SLC35F4: variants seen among roughly 807,000 people sequenced by gnomAD.
SLC35F4 encodes the protein solute carrier family 35 member F4, also known as chromosome 14 open reading frame 36.
In SLC35F4, 24 loss-of-function variants were observed where a neutral mutation model predicts 44.2. That is an observed-to-expected ratio of 0.54 (90% CI 0.39 to 0.76). The LOEUF is 0.76. SLC35F4 is among the 30% of genes least tolerant of loss of function. The probability of loss-of-function intolerance (pLI) is 0.00; values close to 1 mark genes in which losing one functional copy is unlikely to be tolerated. For missense variants in SLC35F4, 562 were observed against 586.1 expected, an observed-to-expected ratio of 0.96 and a Z score of 0.42; for synonymous variants, 238 against 223.6, an observed-to-expected ratio of 1.06 and a Z score of -0.57.
In SLC35F4 at chr14:57,950,444, T is replaced by A. The variant is rs79186815; in HGVS notation, n.282+31469A>T. ...TTAAGTCCATATCCTGTATTTTTTT[T>A]AATTTCTTGAAGTTAGTTTCTACCT... On this transcript the variant is annotated intron_variant and non_coding_transcript_variant, in intron 1 of 1. Coordinates refer to the SLC35F4 transcript ENST00000556568. Among the ~76,000 whole-genome samples the A allele has an allele frequency of 5.1e-3, 783 of 152,160 alleles. 9 individuals are homozygous for A. Among genetic ancestry groups the A allele is most frequent in the African/African-American group, 0.018 (743 of 41,528 alleles).
intron 1 of SLC35F4, among the ~76,000 whole-genome samples, chr14:57,729,433 G>A (rs1314595934): frequency 1.3e-5 from 2 of 152,294 alleles, no homozygotes; most frequent in African/African-American, 4.8e-5. Flanking sequence ...CAGGAACCAA[G>A]GGCTCTTTAG....
chr14:57,589,465 C>A lies in SLC35F4; in HGVS notation c.338G>T (p.Arg113Ile), dbSNP rs767179058. The change falls in exon 3 of 8, where the codon AGA becomes ATA. Residue 113 changes from arginine to isoleucine, a missense_variant. Arg to Ile is a moderately conservative substitution (Grantham distance 97). Transcript: ENST00000556826. Reference sequence around the variant, plus strand: ...GCAGGACAGGCAGCGAGCCTTGATTCTGTTTTCTTGGCTGCTGTTCTCAGA... The same window carrying A: ...GCAGGACAGGCAGCGAGCCTTGATTATGTTTTCTTGGCTGCTGTTCTCAGA... The part of the protein sequence containing the change: ...THSENSSQEN[R>I]IKARCLSCTS... 2 of 1,613,702 alleles carry A rather than the reference C, an allele frequency of 1.2e-6. No homozygotes were observed. Among genetic ancestry groups the A allele is most frequent in the Non-Finnish European group, 1.7e-6 (2 of 1,179,816 alleles).
At chr14:57,761,379 A>G (rs530827559) in intron 1 of SLC35F4, among the ~76,000 whole-genome samples, 1 of 152,276 alleles carries the variant, frequency 6.6e-6, no homozygotes, top group Non-Finnish European at 1.5e-5. Context: ...AAATCCTACA[A>G]CTAGGTGAAA....
intron 1 of SLC35F4, among the ~76,000 whole-genome samples, chr14:57,899,868 A>C (rs1463000589): frequency 6.6e-6 from 1 of 152,166 alleles, no homozygotes; most frequent in South Asian, 2.1e-4. Flanking sequence ...GCACGGACCC[A>C]AAGTGTGAGT....
At chr14:57,580,473 T>C (rs2069165453) in intron 4 of SLC35F4, 2 of 344,026 alleles carry the variant, frequency 5.8e-6, no homozygotes, top group African/African-American at 2.2e-5. Flanking sequence ...AATATGTTCA[T>C]CATAGTGGCA....
chr14:57,811,028 A>C (rs1004932934), intron 1 of SLC35F4, among the ~76,000 whole-genome samples: 2 of 152,214 alleles, frequency 1.3e-5, no homozygotes, highest in African/African-American at 4.8e-5. Flanking sequence ...TCCTGACTTC[A>C]AAGTAGAGGA....
At chr14:57,874,485 A>G (rs1030618561) in intron 1 of SLC35F4, among the ~76,000 whole-genome samples, 3 of 152,190 alleles carry the variant, frequency 2.0e-5, no homozygotes, top group African/African-American at 7.2e-5. Context: ...AACACTCAAG[A>G]TAGGTTGACT....
intron 1 of SLC35F4, among the ~76,000 whole-genome samples, chr14:57,659,210 G>T (rs147199662): frequency 1.3e-5 from 2 of 152,270 alleles, no homozygotes; most frequent in East Asian, 3.9e-4. Context: ...GCAAAGACTG[G>T]AGGCTGCTCA....
chr14:57,770,550 G>C (rs1007463184), intron 1 of SLC35F4, among the ~76,000 whole-genome samples: 5 of 152,136 alleles, frequency 3.3e-5, no homozygotes, highest in African/African-American at 1.2e-4. Flanking sequence ...TGGAAAAAAA[G>C]ACAAGGGCAG....
At position 57,865,638 on chromosome 14, in the gene SLC35F4, C is replaced by G; in HGVS notation, c.103+85G>C. The G allele has an allele frequency of 2.6e-6, 3 of 1,150,686 alleles. No individual in the cohort carries two copies. In the Admixed American group the frequency reaches 8.2e-5, roughly 31 times the overall value. 71.3% of individuals were successfully genotyped at this position (1,150,686 alleles called of 1,614,324 possible). A position where few individuals can be genotyped will look rare whatever the true frequency, so the allele number is the denominator to read the frequency against. On this transcript the variant is annotated intron_variant, in intron 1 of 7. Coordinates refer to ENST00000556826, the MANE Select transcript of SLC35F4 (RefSeq NM_001306087.2). The stretch of plus-strand genomic sequence containing the variant: ...CAGGGCTGCAGGTGTCCGTACCGCG[C>G]GCCCGCCCGTCCGCATCCCCGCGGC...
In SLC35F4 at chr14:57,686,581, C is replaced by T. The variant is rs143634630; in HGVS notation, c.104-92457G>A. On this transcript the variant is annotated intron_variant, in intron 1 of 7. Coordinates refer to ENST00000556826, the MANE Select transcript of SLC35F4 (RefSeq NM_001306087.2). ...AATTGCTTTTGGCACAGACTGCAGGCGGGCAAGCATGCAGTTAGAAGATTG... is the reference window on the plus strand; with the variant it reads ...AATTGCTTTTGGCACAGACTGCAGGTGGGCAAGCATGCAGTTAGAAGATTG... Among the ~76,000 whole-genome samples, 1,031 of 152,184 alleles carry T rather than the reference C, an allele frequency of 6.8e-3. 9 individuals are homozygous for T. Among genetic ancestry groups the T allele is most frequent in the African/African-American group, 0.024 (990 of 41,510 alleles).
intron 1 of SLC35F4, among the ~76,000 whole-genome samples, chr14:57,954,770 G>A (rs1054536688): frequency 2.6e-5 from 4 of 151,912 alleles, no homozygotes; most frequent in Non-Finnish European, 5.9e-5. Context: ...TTCTGAAATT[G>A]AGGCAGTAAT....
intron 1 of SLC35F4, among the ~76,000 whole-genome samples, chr14:57,776,144 T>A (rs2077482295): frequency 6.6e-6 from 1 of 152,162 alleles, no homozygotes; most frequent in East Asian, 1.9e-4. Context: ...AAATATGGGA[T>A]TATGTTAGGA....
At chr14:57,971,185 T>C (rs1221633173) in intron 1 of SLC35F4, among the ~76,000 whole-genome samples, 1 of 152,230 alleles carries the variant, frequency 6.6e-6, no homozygotes, top group African/African-American at 2.4e-5. Context: ...ATGAGCACAA[T>C]CATTATTAGA....
rs563975371 is a variant in SLC35F4, at chr14:57,666,475, A to C, written c.104-72351T>G. 3.3e-5 allele frequency among the ~76,000 whole-genome samples: 5 copies of C among 152,302 alleles called. No homozygotes were observed. The East Asian group carries it at 9.7e-4, about 29-fold the overall frequency. On this transcript the variant is annotated intron_variant, in intron 1 of 7. Coordinates refer to ENST00000556826, the MANE Select transcript of SLC35F4 (RefSeq NM_001306087.2). Reference sequence around the variant, plus strand: ...TGCCAACAACCTGAATGAGTTGGGAAAAGAGTTCTTCCCCAGATGAGGTGA... The same window carrying C: ...TGCCAACAACCTGAATGAGTTGGGACAAGAGTTCTTCCCCAGATGAGGTGA...
intron 1 of SLC35F4, among the ~76,000 whole-genome samples, chr14:57,917,212 C>A (rs1370625630): frequency 6.6e-6 from 1 of 152,028 alleles, no homozygotes; most frequent in Non-Finnish European, 1.5e-5. Context: ...AGGTGCACAC[C>A]ACCACTCCCC....
rs188917763 is a variant in SLC35F4, at chr14:57,737,123, T to C, written c.103+128600A>G. Reference sequence around the variant, plus strand: ...TTGTGTGTGTGTGTGTGTGTGTGTGTGCATGTGTGTGTGTGTTAGGAGAGA... The same window carrying C: ...TTGTGTGTGTGTGTGTGTGTGTGTGCGCATGTGTGTGTGTGTTAGGAGAGA... On this transcript the variant is annotated intron_variant, in intron 1 of 7. Coordinates refer to ENST00000556826, the MANE Select transcript of SLC35F4 (RefSeq NM_001306087.2). Among the ~76,000 whole-genome samples, 138 of 150,766 alleles carry C rather than the reference T, an allele frequency of 9.2e-4. 3 individuals carry two copies. Among genetic ancestry groups the C allele is most frequent in the Admixed American group, 9.0e-3 (136 of 15,142 alleles).
chr14:57,610,093 T>TATTC (rs908825355), intron 1 of SLC35F4, among the ~76,000 whole-genome samples: 9 of 152,216 alleles, frequency 5.9e-5, no homozygotes, highest in African/African-American at 2.2e-4. Flanking sequence ...TGGCAACTCT[T>TATTC]ATTCATTCAT....
At chr14:57,852,671 T>C (rs932389346) in intron 1 of SLC35F4, among the ~76,000 whole-genome samples, 1 of 152,238 alleles carries the variant, frequency 6.6e-6, no homozygotes, top group African/African-American at 2.4e-5. Context: ...GTACCGCTTC[T>C]TCAGACCCTG....
Sources: gnomAD v4.1 joint callset for allele counts (sites outside exome capture counted in the v4.1 genomes callset) on GRCh38, gnomAD v4.1.1 for gene constraint, MANE v1.5 for transcripts, NCBI Gene and HGNC (gene_info 2026-07-23, HGNC 2026-07-21) for gene names.